NAV1: variants seen among roughly 807,000 people sequenced by gnomAD.
The protein encoded by NAV1 is neuron navigator 1.
NAV1 carries 18 observed loss-of-function variants against 175.2 expected under a neutral mutation model. That is an observed-to-expected ratio of 0.10 (90% CI 0.07 to 0.15). The LOEUF is 0.15. Among genes scored for constraint, NAV1 ranks in the 10% least tolerant of loss-of-function variants. NAV1 has a pLI of 1.00. For synonymous variants in NAV1, 897 were observed against 978.7 expected (o/e 0.92, Z 1.56); for missense variants, 1,731 against 2,436.6 (o/e 0.71, Z 6.10).
At chr1:201,717,501 C>G (rs1571903866) in intron 2 of NAV1, among the ~76,000 whole-genome samples, 1 of 152,238 alleles carries the variant, frequency 6.6e-6, no homozygotes, top group South Asian at 2.1e-4. Context: ...TGCAGCCCGC[C>G]TGGCCCTATC....
chr1:201,616,706 C>T (rs572458694), intron 2 of NAV1, among the ~76,000 whole-genome samples: 19 of 152,262 alleles, frequency 1.2e-4, no homozygotes, highest in South Asian at 2.1e-4. Context: ...AGGCTGGTCT[C>T]GAACTCCTGA....
chr1:201,747,366 G>T (rs1043874912), intron 3 of NAV1, among the ~76,000 whole-genome samples: 1 of 152,126 alleles, frequency 6.6e-6, no homozygotes, highest in Non-Finnish European at 1.5e-5. Flanking sequence ...TTTGATTTTG[G>T]TGATCTGCCA....
intron 1 of NAV1, among the ~76,000 whole-genome samples, chr1:201,699,604 T>C (rs987333110): frequency 1.3e-5 from 2 of 152,120 alleles, no homozygotes; most frequent in Non-Finnish European, 2.9e-5. Context: ...AAAGTTCATA[T>C]AGAACCAAAA....
At chr1:201,624,336 C>CTTTTTTTTTTT (rs1188885818) in intron 1 of NAV1, among the ~76,000 whole-genome samples, 3 of 79,460 alleles carry the variant, frequency 3.8e-5, no homozygotes, top group African/African-American at 5.4e-5. Context: ...GTCAACTACG[C>CTTTTTTTTTTT]TTTTTTTTTT....
intron 1 of NAV1, among the ~76,000 whole-genome samples, chr1:201,560,301 G>T (rs992248050): frequency 1.4e-4 from 21 of 152,190 alleles, no homozygotes; most frequent in African/African-American, 5.1e-4. Flanking sequence ...GATGGCAAGA[G>T]CAAAAGGTCA....
intron 1 of NAV1, among the ~76,000 whole-genome samples, chr1:201,574,632 G>T (rs1168339982): frequency 6.6e-6 from 1 of 152,200 alleles, no homozygotes; most frequent in Non-Finnish European, 1.5e-5. Context: ...GAAACCTGCA[G>T]CTTCCAAGGA....
Position 201,810,433 on chromosome 1 carries a change from C to A in NAV1, c.4562-90C>A. ...AGTGGCTCTGAGTTTCTTCAGGGGG[C>A]TCCTAGATAAAGAAAGAAAAGCCCT... On this transcript the variant is annotated intron_variant, in intron 23 of 29. Coordinates refer to ENST00000367296, the Ensembl canonical transcript of NAV1. The surrounding 1 kb of genome is among the most constrained non-coding windows in gnomAD (Gnocchi z 6.0). 1 of 1,242,130 alleles carries A rather than the reference C, an allele frequency of 8.1e-7. No homozygotes were observed. Among genetic ancestry groups the A allele is most frequent in the Non-Finnish European group, 1.1e-6 (1 of 891,152 alleles). The allele number at this position is 1,242,130 out of a possible 1,614,324, so 76.9% of individuals were successfully genotyped here. A position where few individuals can be genotyped will look rare whatever the true frequency, so the allele number is the denominator to read the frequency against.
At chr1:201,602,844 G>GC (rs1266958592) in intron 2 of NAV1, among the ~76,000 whole-genome samples, 1 of 151,822 alleles carries the variant, frequency 6.6e-6, no homozygotes, top group African/African-American at 2.4e-5. Context: ...GTCCCCCTCA[G>GC]CCCCCTCACC....
At chr1:201,811,562 C>G in intron 24 of NAV1, 41 bp from the exon 29 acceptor site, 2 of 1,613,152 alleles carry the variant, frequency 1.2e-6, no homozygotes, top group Non-Finnish European at 1.7e-6. Context: ...GATCCAGCTG[C>G]TTATTCCCAA....
chr1:201,726,155 A>T lies in NAV1; in HGVS notation c.1226+7400A>T, dbSNP rs1273362106. On this transcript the variant is annotated intron_variant, in intron 3 of 29. Coordinates refer to ENST00000367296, the Ensembl canonical transcript of NAV1. ...CTTCTTTGTGGTGTAGGGAAGAAGCACTGGGCTAATTCTGAGATCTGGAGT... is the reference window on the plus strand; with the variant it reads ...CTTCTTTGTGGTGTAGGGAAGAAGCTCTGGGCTAATTCTGAGATCTGGAGT... Among the ~76,000 whole-genome samples the T allele has an allele frequency of 2.0e-5, 3 of 152,122 alleles. No individual in the cohort carries two copies. In the South Asian group the frequency reaches 6.2e-4, roughly 31 times the overall value.
At chr1:201,620,227 G>A (rs1006014905), upstream of NAV1, among the ~76,000 whole-genome samples, 2 of 152,168 alleles carry the variant, frequency 1.3e-5, no homozygotes, top group African/African-American at 4.8e-5. Flanking sequence ...CCACAATATG[G>A]AAGGGGGGAT....
chr1:201,826,202 T>C (rs1679660668), exon 30 of NAV1: 1 of 151,858 alleles, frequency 6.6e-6, no homozygotes, highest in Non-Finnish European at 1.5e-5. Flanking sequence ...GGGAGGTGAG[T>C]ATAAAATAAT....
At chr1:201,824,290 A>T (rs1030637555) in exon 30 of NAV1, 2 of 152,136 alleles carry the variant, frequency 1.3e-5, no homozygotes, top group African/African-American at 2.4e-5. Flanking sequence ...ATTAATAGAG[A>T]TGGATATACT....
chr1:201,720,254 C>G lies in NAV1; in HGVS notation c.1226+1499C>G, dbSNP rs75043483. On this transcript the variant is annotated intron_variant, in intron 3 of 29. Coordinates refer to ENST00000367296, the Ensembl canonical transcript of NAV1. ...GAGGAAGTGTCAGGTCACTGCCCTC[C>G]TCTGAGAATCCCAGGAGGGTGCAGA... Among the ~76,000 whole-genome samples, 849 of 152,356 alleles carry G rather than the reference C, an allele frequency of 5.6e-3. 9 individuals are homozygous for G. The highest frequency in any genetic ancestry group is 0.018 in the African/African-American group (768 of 41,586).
At chr1:201,631,787 G>T (rs1326357623) in intron 2 of NAV1, among the ~76,000 whole-genome samples, 3 of 152,232 alleles carry the variant, frequency 2.0e-5, no homozygotes, top group Admixed American at 2.0e-4. Flanking sequence ...TTATTTGACA[G>T]TTATTGATCA....
chr1:201,701,568 T>C (rs1338753029), intron 1 of NAV1, among the ~76,000 whole-genome samples: 1 of 152,188 alleles, frequency 6.6e-6, no homozygotes. Context: ...ACACTTGAAA[T>C]GTGGCTAGTG....
In NAV1 at chr1:201,798,736, T is replaced by G. The variant is rs557251470; in HGVS notation, c.3517+4159T>G. The G allele has an allele frequency of 2.5e-5, 3 of 120,726 alleles. No individual in the cohort carries two copies. In the Admixed American group the frequency reaches 3.0e-4, roughly 12 times the overall value. The allele number at this position is 120,726 out of a possible 1,614,324, so 7.5% of individuals were successfully genotyped here. A position where few individuals can be genotyped will look rare whatever the true frequency, so the allele number is the denominator to read the frequency against. On this transcript the variant is annotated intron_variant, in intron 15 of 29. Coordinates refer to ENST00000367296, the Ensembl canonical transcript of NAV1. The stretch of plus-strand genomic sequence containing the variant: ...TTTTTTTTTTGAGATGAATTCTCAC[T>G]CTCTTGCCCAGACTGGAGTGCAGTG...
intron 1 of NAV1, among the ~76,000 whole-genome samples, chr1:201,626,416 AG>A (rs1433802260): frequency 6.6e-6 from 1 of 152,112 alleles, no homozygotes; most frequent in Non-Finnish European, 1.5e-5. Flanking sequence ...TGAATCTTGC[AG>A]CCATCTTCTC....
chr1:201,657,407 G>A (rs1380227306), intron 1 of NAV1, among the ~76,000 whole-genome samples: 1 of 152,212 alleles, frequency 6.6e-6, no homozygotes, highest in African/African-American at 2.4e-5. Flanking sequence ...GATGAAGCTA[G>A]CCTGCATTTC....
Sources: gnomAD v4.1 joint callset for allele counts (sites outside exome capture counted in the v4.1 genomes callset) on GRCh38, gnomAD v4.1.1 for gene constraint, Gnocchi (gnomAD v3.1) non-coding constraint, MANE v1.5 for transcripts, NCBI Gene and HGNC (gene_info 2026-07-23, HGNC 2026-07-21) for gene names.